The following ELP4 variants were observed in gnomAD, a reference collection of about 807,000 sequenced individuals.
ELP4 encodes the protein elongator complex protein 4.
ELP4 carries 51 observed loss-of-function variants against 48.9 expected under a neutral mutation model. That is an observed-to-expected ratio of 1.04 (90% CI 0.83 to 1.32). ELP4 has a LOEUF of 1.32. Among genes scored for constraint, ELP4 ranks in the 40% most tolerant of loss-of-function variants. The probability of loss-of-function intolerance (pLI) is 0.00; values close to 1 mark genes in which losing one functional copy is unlikely to be tolerated. For synonymous variants in ELP4, 210 were observed against 189.2 expected, an observed-to-expected ratio of 1.11 and a Z score of -0.90; for missense variants, 519 against 514.6, an observed-to-expected ratio of 1.01 and a Z score of -0.08.
At chr11:31,544,046 C>T (rs1023014249) in intron 3 of ELP4, among the ~76,000 whole-genome samples, 9 of 152,202 alleles carry the variant, frequency 5.9e-5, no homozygotes, top group South Asian at 2.1e-4. Flanking sequence ...GGAACAGCTC[C>T]GGTCTACAGC....
intron 3 of ELP4, among the ~76,000 whole-genome samples, chr11:31,585,188 G>A (rs983624610): frequency 7.2e-5 from 11 of 152,064 alleles, no homozygotes; most frequent in African/African-American, 1.9e-4. Flanking sequence ...TCATCATTTG[G>A]TGTGGTTCAA....
intron 5 of ELP4, among the ~76,000 whole-genome samples, chr11:31,609,195 C>T (rs944944028): frequency 2.6e-4 from 39 of 152,278 alleles, no homozygotes; most frequent in Middle Eastern, 3.4e-3. Context: ...AGGCTGCTAT[C>T]GGGTCTTTTG....
intron 3 of ELP4, among the ~76,000 whole-genome samples, chr11:31,558,443 T>C (rs865775089): frequency 1.3e-5 from 2 of 152,174 alleles, no homozygotes; most frequent in African/African-American, 4.8e-5. Context: ...ATAAACACAT[T>C]TAGCATTGAT....
chr11:31,789,436 C>A lies in ELP4; in HGVS notation c.*5912C>A. ...TGACATAAATCTAGTGCATGTTGTT[C>A]CAGGTTTAATTATATGCAAAGGAAT... On this transcript the variant is annotated 3_prime_UTR_variant, in exon 10 of 10. Transcript: ENST00000640961. 2.4e-6 allele frequency: 1 copy of A among 416,866 alleles called. No homozygotes were observed. The highest frequency in any genetic ancestry group is 4.2e-6 in the Non-Finnish European group (1 of 237,270). 25.8% of individuals were successfully genotyped at this position (416,866 alleles called of 1,614,324 possible).
chr11:31,620,130 A>G (rs1944589073), intron 5 of ELP4, among the ~76,000 whole-genome samples: 1 of 152,058 alleles, frequency 6.6e-6, no homozygotes, highest in Non-Finnish European at 1.5e-5. Flanking sequence ...TATAGTGGGA[A>G]TAGCCTTAAG....
intron 7 of ELP4, 54 bp from the exon 8 acceptor site, chr11:31,647,687 A>G (rs1945231679): frequency 1.0e-5 from 11 of 1,062,902 alleles, no homozygotes; most frequent in Non-Finnish European, 1.5e-5. Context: ...TTTTATAGAT[A>G]TTATACTATT....
chr11:31,577,591 A>C (rs1957308287), intron 3 of ELP4, among the ~76,000 whole-genome samples: 2 of 152,006 alleles, frequency 1.3e-5, no homozygotes, highest in Admixed American at 6.6e-5. Context: ...AAAAGCTTAT[A>C]CACCACGATC....
chr11:31,553,914 T>C (rs1431054948), intron 3 of ELP4, among the ~76,000 whole-genome samples: 1 of 152,178 alleles, frequency 6.6e-6, no homozygotes, highest in Non-Finnish European at 1.5e-5. Flanking sequence ...AAGCTTCATC[T>C]GTATTTACAG....
At chr11:31,750,389 GA>G (rs1947694514) in intron 9 of ELP4, among the ~76,000 whole-genome samples, 1 of 151,878 alleles carries the variant, frequency 6.6e-6, no homozygotes. Context: ...AAGCTTTCAG[GA>G]AAAGTAACTA....
At chr11:31,731,340 T>G (rs1947181343) in intron 9 of ELP4, among the ~76,000 whole-genome samples, 1 of 152,144 alleles carries the variant, frequency 6.6e-6, no homozygotes, top group Non-Finnish European at 1.5e-5. Context: ...AAATGAGTAT[T>G]TCAACAAAGA....
chr11:31,733,555 T>C (rs1565131487), intron 9 of ELP4, among the ~76,000 whole-genome samples: 2 of 148,462 alleles, frequency 1.3e-5, no homozygotes, highest in Non-Finnish European at 3.0e-5. Flanking sequence ...GTAAAAAGGA[T>C]TAAAAGAGAT....
intron 9 of ELP4, among the ~76,000 whole-genome samples, chr11:31,699,811 G>A (rs1351198655): frequency 1.3e-5 from 2 of 152,096 alleles, no homozygotes; most frequent in African/African-American, 2.4e-5. Context: ...CTTGAAAAGA[G>A]CAGAGTATCA....
At chr11:31,591,827 CATA>C (rs1171618168) in intron 3 of ELP4, among the ~76,000 whole-genome samples, 1 of 152,104 alleles carries the variant, frequency 6.6e-6, no homozygotes. Flanking sequence ...CAGCATTACT[CATA>C]ATAACTTAAG....
chr11:31,558,866 C>T (rs1956971391), intron 3 of ELP4, among the ~76,000 whole-genome samples: 3 of 152,058 alleles, frequency 2.0e-5, no homozygotes. Flanking sequence ...ACTTTGTCAT[C>T]ATTGAAAAGA....
chr11:31,586,875 C>A (rs1957484274), intron 3 of ELP4, among the ~76,000 whole-genome samples: 1 of 152,090 alleles, frequency 6.6e-6, no homozygotes, highest in African/African-American at 2.4e-5. Flanking sequence ...CTCCTGACCT[C>A]GTGATCCACT....
chr11:31,748,545 G>A (rs982019499), intron 9 of ELP4, among the ~76,000 whole-genome samples: 3 of 152,032 alleles, frequency 2.0e-5, no homozygotes, highest in South Asian at 2.1e-4. Flanking sequence ...ACACCTGGTC[G>A]TAAACCAAGG....
At chr11:31,726,637 T>C (rs966335335) in intron 9 of ELP4, among the ~76,000 whole-genome samples, 1 of 151,314 alleles carries the variant, frequency 6.6e-6, no homozygotes, top group Non-Finnish European at 1.5e-5. Flanking sequence ...GAAATCCTAA[T>C]GAAGGGGCAG....
intron 4 of ELP4, chr11:31,600,206 G>A (rs1592149189): frequency 7.8e-6 from 1 of 128,444 alleles, no homozygotes; most frequent in African/African-American, 2.5e-5. Flanking sequence ...TTTTAAAAAA[G>A]CCCTCTTTTC....
chr11:31,511,162 GTT>G (rs1355467191), intron 1 of ELP4: 1 of 151,996 alleles, frequency 6.6e-6, no homozygotes, highest in Non-Finnish European at 1.5e-5. Flanking sequence ...TCACTTAATT[GTT>G]TCAAATATAT....
Sources: allele counts gnomAD v4.1 joint callset (sites outside exome capture counted in the v4.1 genomes callset), GRCh38; gene constraint gnomAD v4.1.1; transcripts MANE v1.5; gene names NCBI Gene and HGNC (gene_info 2026-07-23, HGNC 2026-07-21).